The following CNGB1 variants were observed in gnomAD, a reference collection of about 807,000 sequenced individuals.
CNGB1 encodes cyclic nucleotide gated channel subunit beta 1, also known as cyclic nucleotide-gated channel beta-1.
CNGB1 carries 126 observed loss-of-function variants against 151.7 expected under a neutral mutation model. The observed-to-expected ratio is 0.83, with a 90% CI of 0.72 to 0.96. The LOEUF (loss-of-function observed/expected upper bound fraction) is 0.96. CNGB1 is among the 40% of genes least tolerant of loss of function. The pLI, the probability that CNGB1 is intolerant of heterozygous loss-of-function variation, is 0.00. For synonymous variants in CNGB1, 623 were observed against 635.1 expected (o/e 0.98, Z 0.29); for missense variants, 1,698 against 1,627.0 (o/e 1.04, Z -0.75).
At chr16:57,955,448 G>A (rs368174468) in intron 12 of CNGB1, 54 of 1,195,630 alleles carry the variant, frequency 4.5e-5, no homozygotes, top group Non-Finnish European at 4.2e-5. Flanking sequence ...GAGTGGATGA[G>A]TGAATGAATG....
In CNGB1 at chr16:57,950,382, T is replaced by C; in HGVS notation, c.1033A>G (p.Arg345Gly). The change falls in exon 13 of 33, where the codon AGA becomes GGA. Residue 345 changes from arginine (R) to glycine (G), a missense_variant and splice_region_variant. Arg to Gly is a moderately radical substitution (Grantham distance 125, BLOSUM62 -2). Coordinates refer to ENST00000251102, the MANE Select transcript of CNGB1 (RefSeq NM_001297.5). ...EENKAVEKMPRELSRIEEEKE... is the reference protein window; with the variant it reads ...EENKAVEKMPGELSRIEEEKE... ...TTAGGGTCTTCTCAGACTCCCCACC[T>C]GGGCATCTTCTCCACAGCTTTGTTC... The C allele has an allele frequency of 6.2e-7, 1 of 1,614,212 alleles. No homozygotes were observed.
At position 57,950,387 on chromosome 16, in the gene CNGB1, A is replaced by G. The variant is rs202174131; in HGVS notation, c.1028T>C (p.Met343Thr). The G allele has an allele frequency of 3.7e-5, 59 of 1,614,220 alleles. No homozygotes were observed. The African/African-American group carries it at 6.0e-4, about 16-fold the overall frequency. ...YEEENKAVEKMPRELSRIEEE... is the reference protein window; with the variant it reads ...YEEENKAVEKTPRELSRIEEE... ...GTCTTCTCAGACTCCCCACCTGGGC[A>G]TCTTCTCCACAGCTTTGTTCTCTTC... Residue 343 changes from methionine to threonine, a missense_variant, in exon 13 of 33, where the codon ATG becomes ACG. Transcript: ENST00000251102.
intron 18 of CNGB1, among the ~76,000 whole-genome samples, chr16:57,921,720 G>A (rs1167511041): frequency 6.6e-6 from 1 of 152,200 alleles, no homozygotes; most frequent in Non-Finnish European, 1.5e-5. Context: ...CTGAAGACAG[G>A]CCTGGAGTTC....
At chr16:57,905,018 C>G in intron 25 of CNGB1, 143 bp from the exon 26 acceptor site, 1 of 1,013,148 alleles carries the variant, frequency 9.9e-7, no homozygotes. Flanking sequence ...AGGAAAACCA[C>G]CTCCTGCACG....
In CNGB1 at chr16:57,884,303, C is replaced by T. The variant is rs1435638110; in HGVS notation, c.3617G>A (p.Gly1206Glu). The change falls in exon 33 of 33, where the codon GGG becomes GAG. Residue 1206 changes from glycine to glutamate, a missense_variant. By Grantham distance (98) the Gly-to-Glu change is moderately conservative. Transcript: ENST00000251102. ...PPSSPPPASL[G>E]RPEGEEEGPA... is the part of the protein sequence containing the mutation. ...CCCCTCCTCCTCTCCCTCCGGCCTC[C>T]CAAGGGAGGCAGGCGGTGGAGAGCT... 6.2e-7 allele frequency: 1 copy of T among 1,612,984 alleles called. No homozygotes were observed. The highest frequency in any genetic ancestry group is 8.5e-7 in the Non-Finnish European group (1 of 1,179,698).
intron 15 of CNGB1, among the ~76,000 whole-genome samples, chr16:57,939,840 T>G (rs1961615552): frequency 6.6e-6 from 1 of 152,196 alleles, no homozygotes; most frequent in South Asian, 2.1e-4. Flanking sequence ...TGAGGGACAC[T>G]CGCAGCCTGG....
intron 31 of CNGB1, among the ~76,000 whole-genome samples, chr16:57,889,584 C>T (rs1380495808): frequency 6.6e-6 from 1 of 152,174 alleles, no homozygotes; most frequent in Non-Finnish European, 1.5e-5. Flanking sequence ...AAACTGAGAT[C>T]GCAAATGTGT....
chr16:57,963,811 G>A (rs1164416921), intron 4 of CNGB1: 8 of 410,936 alleles, frequency 1.9e-5, no homozygotes, highest in African/African-American at 1.6e-4. Context: ...GGGGCTAACA[G>A]TCTAATGAAT....
Position 57,887,996 on chromosome 16 carries a change from C to T in CNGB1, c.3321G>A (p.Lys1107=), listed in dbSNP as rs771809129. The T allele has an allele frequency of 6.2e-7, 1 of 1,614,224 alleles. No homozygotes were observed. Among genetic ancestry groups the T allele is most frequent in the Non-Finnish European group, 8.5e-7 (1 of 1,180,044 alleles). Residue 1107 remains lysine, a synonymous_variant, in exon 32 of 33, where the codon AAG becomes AAA. Transcript: ENST00000251102. ...TCATAGCGAGGGCAGCGTTGAAGAGCTTTGGGGTGCCCGCCCGGGGTGGAA... is the reference window on the plus strand; with the variant it reads ...TCATAGCGAGGGCAGCGTTGAAGAGTTTTGGGGTGCCCGCCCGGGGTGGAA... ...LILPPRAGTP[K]LFNAALAMTG... is the part of the protein sequence containing the mutation.
Position 57,958,484 on chromosome 16 carries a change from G to C in CNGB1, c.763C>G (p.Leu255Val). The C allele has an allele frequency of 6.2e-7, 1 of 1,613,840 alleles. No individual in the cohort carries two copies. The highest frequency in any genetic ancestry group is 8.5e-7 in the Non-Finnish European group (1 of 1,179,810). The change falls in exon 11 of 33, where the codon CTG becomes GTG. Residue 255 changes from leucine (L) to valine (V), a missense_variant and splice_region_variant. Transcript: ENST00000251102. ...AGCCTGTGCAGGACCCATGCCACCA[G>C]CCTGCAGGTGGGAGAGAGTGTGCGG... ...SLPPTRDPAR[L>V]VAWVLHRLEM...
intron 17 of CNGB1, among the ~76,000 whole-genome samples, chr16:57,930,651 T>C (rs964690429): frequency 6.6e-6 from 1 of 152,066 alleles, no homozygotes; most frequent in Admixed American, 6.6e-5. Context: ...ATCCATACAA[T>C]GGGACATTAC....
intron 18 of CNGB1, among the ~76,000 whole-genome samples, chr16:57,922,634 G>T (rs1333401593): frequency 6.6e-6 from 1 of 151,644 alleles, no homozygotes; most frequent in Non-Finnish European, 1.5e-5. Context: ...TCACCATATT[G>T]GTCAGGCTAG....
At chr16:57,934,865 G>A (rs1337874756) in intron 16 of CNGB1, among the ~76,000 whole-genome samples, 5 of 151,808 alleles carry the variant, frequency 3.3e-5, no homozygotes, top group South Asian at 4.2e-4. Context: ...GCTGAGACAG[G>A]TGAATGGCGT....
At chr16:57,905,225 TC>T (rs1345654379) in intron 25 of CNGB1, among the ~76,000 whole-genome samples, 1 of 152,196 alleles carries the variant, frequency 6.6e-6, no homozygotes, top group Non-Finnish European at 1.5e-5. Flanking sequence ...CCTTCAGTGT[TC>T]CTTCAATTTT....
intron 31 of CNGB1, among the ~76,000 whole-genome samples, chr16:57,896,703 ACT>A (rs1398690568): frequency 6.8e-6 from 1 of 147,602 alleles, no homozygotes; most frequent in Non-Finnish European, 1.5e-5. Flanking sequence ...ACAGAGCAAG[ACT>A]CTGTCTCAAA....
intron 29 of CNGB1, among the ~76,000 whole-genome samples, chr16:57,900,065 GCACAT>G (rs1184517292): frequency 1.3e-5 from 2 of 152,208 alleles, no homozygotes; most frequent in African/African-American, 4.8e-5. Flanking sequence ...AGCTCTGTAT[GCACAT>G]CTTATTCAGC....
intron 10 of CNGB1, among the ~76,000 whole-genome samples, chr16:57,958,841 C>T (rs774415186): frequency 8.6e-5 from 13 of 152,012 alleles, no homozygotes; most frequent in Non-Finnish European, 1.5e-4. Flanking sequence ...ACTTGGTGGC[C>T]CAGGCTGATG....
chr16:57,923,218 AT>A, intron 18 of CNGB1, 54 bp downstream of exon 18: 1 of 1,082,604 alleles, frequency 9.2e-7, no homozygotes, highest in Non-Finnish European at 1.4e-6. Context: ...GCCCCCCCAC[AT>A]CCCCCACCCT....
chr16:57,929,496 T>TGAGAGAGA, intron 17 of CNGB1, among the ~76,000 whole-genome samples: 1 of 94,670 alleles, frequency 1.1e-5, no homozygotes, highest in East Asian at 3.1e-4. Flanking sequence ...AGAGACTTTT[T>TGAGAGAGA]CTTTTTAATT....
Sources: allele counts gnomAD v4.1 joint callset (sites outside exome capture counted in the v4.1 genomes callset), GRCh38; gene constraint gnomAD v4.1.1; transcripts MANE v1.5; gene names NCBI Gene and HGNC (gene_info 2026-07-23, HGNC 2026-07-21).